Variants in PLPPR1 observed in about 807,000 individuals in gnomAD.
PLPPR1 encodes phospholipid phosphatase-related protein type 1.
A neutral mutation model predicts 33.1 loss-of-function variants in PLPPR1; 10 were observed. The observed-to-expected ratio is 0.30, with a 90% CI of 0.19 to 0.51. PLPPR1 has a LOEUF of 0.51. Ranked by LOEUF, PLPPR1 falls within the 20% of genes least tolerant of loss-of-function variation. PLPPR1 has a pLI of 0.97. For synonymous variants in PLPPR1, 151 were observed against 151.0 expected, an observed-to-expected ratio of 1.00 and a Z score of 0.00; for missense variants, 304 against 408.1, an observed-to-expected ratio of 0.74 and a Z score of 2.20.
At chr9:101,109,136 T>C (rs1285533385) in intron 1 of PLPPR1, among the ~76,000 whole-genome samples, 3 of 18,010 alleles carry the variant, frequency 1.7e-4, no homozygotes, top group Admixed American at 9.7e-4. Flanking sequence ...TTTTTTGTAT[T>C]TTTTTTTTTT....
chr9:101,236,199 A>G (rs1827295218), intron 2 of PLPPR1, among the ~76,000 whole-genome samples: 2 of 151,784 alleles, frequency 1.3e-5, no homozygotes, highest in South Asian at 4.1e-4. Context: ...CACACTACCT[A>G]TCAAAGCAAA....
At chr9:101,256,873 T>G (rs1198750846) in intron 2 of PLPPR1, among the ~76,000 whole-genome samples, 1 of 152,094 alleles carries the variant, frequency 6.6e-6, no homozygotes, top group Non-Finnish European at 1.5e-5. Flanking sequence ...ACAAAAGGCT[T>G]TTATTAAATT....
chr9:101,239,168 G>A (rs1020339936), intron 2 of PLPPR1, among the ~76,000 whole-genome samples: 3 of 151,794 alleles, frequency 2.0e-5, no homozygotes, highest in African/African-American at 7.3e-5. Flanking sequence ...ATTGTGATTA[G>A]AGTGGCAATA....
intron 2 of PLPPR1, among the ~76,000 whole-genome samples, chr9:101,226,115 C>T (rs1017271897): frequency 6.6e-6 from 1 of 152,166 alleles, no homozygotes; most frequent in African/African-American, 2.4e-5. Flanking sequence ...ACCCTCCTGA[C>T]ATGATGGTTT....
intron 1 of PLPPR1, among the ~76,000 whole-genome samples, chr9:101,118,091 A>G (rs1831136821): frequency 6.6e-6 from 1 of 152,254 alleles, no homozygotes. Flanking sequence ...CAGAGAAATT[A>G]CCTAAGATAC....
At chr9:101,035,851 G>A (rs1346208397) in intron 1 of PLPPR1, among the ~76,000 whole-genome samples, 1 of 152,086 alleles carries the variant, frequency 6.6e-6, no homozygotes, top group Non-Finnish European at 1.5e-5. Context: ...AATGACACAA[G>A]GAAACTGAGA....
intron 1 of PLPPR1, among the ~76,000 whole-genome samples, chr9:101,165,218 G>T (rs1454726852): frequency 2.0e-5 from 3 of 152,170 alleles, no homozygotes; most frequent in Non-Finnish European, 4.4e-5. Context: ...AAGCAAATCA[G>T]ACTGGGCTTA....
chr9:101,238,171 A>G (rs1168408403), intron 2 of PLPPR1, among the ~76,000 whole-genome samples: 1 of 136,800 alleles, frequency 7.3e-6, no homozygotes, highest in African/African-American at 2.7e-5. Flanking sequence ...ACATATATAT[A>G]CCCTATATAT....
At chr9:101,235,608 T>G (rs1395221978) in intron 2 of PLPPR1, among the ~76,000 whole-genome samples, 3 of 151,914 alleles carry the variant, frequency 2.0e-5, no homozygotes, top group Non-Finnish European at 4.4e-5. Flanking sequence ...GTTTCTTATC[T>G]GCTTTGACTT....
intron 4 of PLPPR1, among the ~76,000 whole-genome samples, chr9:101,297,778 T>C (rs1828675982): frequency 1.3e-5 from 2 of 152,204 alleles, no homozygotes; most frequent in African/African-American, 2.4e-5. Flanking sequence ...GACTCCTCTC[T>C]CTCATTTTTT....
chr9:101,055,309 C>T (rs1272953413), intron 1 of PLPPR1, among the ~76,000 whole-genome samples: 5 of 152,130 alleles, frequency 3.3e-5, no homozygotes, highest in Non-Finnish European at 5.9e-5. Context: ...TGATACCCAC[C>T]TAATAAAGAC....
Position 101,055,732 on chromosome 9 carries a change from T to C in PLPPR1, c.-46+26630T>C, listed in dbSNP as rs16919764. ...GCATTCTCTCATGTGGGAATTCTTGTTTTAACTTTATTGATCTGTCTGGTT... is the reference window on the plus strand; with the variant it reads ...GCATTCTCTCATGTGGGAATTCTTGCTTTAACTTTATTGATCTGTCTGGTT... On this transcript the variant is annotated intron_variant, in intron 1 of 7. Transcript: ENST00000374874. Among the ~76,000 whole-genome samples, 2,501 of 152,310 alleles carry C rather than the reference T, an allele frequency of 0.016. 138 individuals carry two copies. The South Asian group carries it at 0.19, about 12-fold the overall frequency.
chr9:101,315,992 T>C (rs531263099), intron 6 of PLPPR1, among the ~76,000 whole-genome samples: 78 of 152,330 alleles, frequency 5.1e-4, no homozygotes, highest in South Asian at 1.0e-3. Context: ...AGGGCAACTC[T>C]AACAATATTC....
intron 1 of PLPPR1, among the ~76,000 whole-genome samples, chr9:101,106,421 T>A (rs1386135505): frequency 1.5e-5 from 2 of 130,780 alleles, no homozygotes; most frequent in Non-Finnish European, 3.2e-5. Context: ...TTTGTTTGGC[T>A]GGATATGAAA....
At chr9:101,060,880 AT>A (rs1830339163) in intron 1 of PLPPR1, among the ~76,000 whole-genome samples, 1 of 151,906 alleles carries the variant, frequency 6.6e-6, no homozygotes, top group Non-Finnish European at 1.5e-5. Context: ...TGTTTTATCA[AT>A]TTATAATCAC....
chr9:101,309,135 CG>C, intron 4 of PLPPR1, 75 bp from the exon 5 acceptor site: 1 of 1,464,712 alleles, frequency 6.8e-7, no homozygotes, highest in Non-Finnish European at 9.5e-7. Context: ...GGACTCTCAC[CG>C]CTGTTTTCTC....
chr9:101,284,647 G>A (rs192570287), intron 3 of PLPPR1, among the ~76,000 whole-genome samples: 32 of 152,240 alleles, frequency 2.1e-4, no homozygotes, highest in Middle Eastern at 6.8e-3. Context: ...GTGTGTCCGA[G>A]TTCCTGAAAC....
At chr9:101,172,316 T>C (rs978164272) in intron 1 of PLPPR1, among the ~76,000 whole-genome samples, 8 of 150,514 alleles carry the variant, frequency 5.3e-5, no homozygotes, top group African/African-American at 2.0e-4. Flanking sequence ...GATATCTCAA[T>C]GAATATTCAG....
chr9:101,070,691 T>C (rs1296077361), intron 1 of PLPPR1, among the ~76,000 whole-genome samples: 2 of 152,096 alleles, frequency 1.3e-5, no homozygotes, highest in African/African-American at 4.8e-5. Context: ...AAACTTGCAC[T>C]CTCAGACTTC....
Sources: allele counts gnomAD v4.1 joint callset (sites outside exome capture counted in the v4.1 genomes callset), GRCh38; gene constraint gnomAD v4.1.1; transcripts MANE v1.5; gene names NCBI Gene and HGNC (gene_info 2026-07-23, HGNC 2026-07-21).